Variants in ANKRD6 observed in about 807,000 individuals in gnomAD.
The protein encoded by ANKRD6 is ankyrin repeat domain-containing protein 6.
Under a neutral mutation model 82.3 loss-of-function variants are expected in ANKRD6, and 56 were observed. The observed-to-expected ratio is 0.68, with a 90% CI of 0.55 to 0.85. ANKRD6 has a LOEUF of 0.85. Ranked by LOEUF, ANKRD6 falls within the 40% of genes least tolerant of loss-of-function variation. The probability of loss-of-function intolerance (pLI) is 0.00; values close to 1 mark genes in which losing one functional copy is unlikely to be tolerated. For synonymous variants in ANKRD6, 347 were observed against 352.1 expected (o/e 0.99, Z 0.16); for missense variants, 852 against 907.6 (o/e 0.94, Z 0.79).
chr6:89,573,063 C>A (rs1458086386), intron 2 of ANKRD6, among the ~76,000 whole-genome samples: 1 of 152,056 alleles, frequency 6.6e-6, no homozygotes, highest in Non-Finnish European at 1.5e-5. Flanking sequence ...TGGGCTCAAG[C>A]AATCCTCCTG....
At position 89,623,950 on chromosome 6, in the gene ANKRD6, C is replaced by G; in HGVS notation, c.1111C>G (p.Pro371Ala). 1 of 1,613,864 alleles carries G rather than the reference C, an allele frequency of 6.2e-7. No individual in the cohort carries two copies. Residue 371 changes from proline to alanine, a missense_variant, in exon 12 of 16, where the codon CCT (proline) becomes GCT (alanine). Coordinates refer to ENST00000339746, the MANE Select transcript of ANKRD6 (RefSeq NM_001242809.2). ...HQKNLHAHNHPKKRNRHRCSS... is the reference protein window; with the variant it reads ...HQKNLHAHNHAKKRNRHRCSS... ...GAAGAACCTGCATGCTCATAATCAC[C>G]CTAAAAAGAGGAACAGGCATCGGTG...
Position 89,567,095 on chromosome 6 carries a change from A to C in ANKRD6, c.119A>C (p.Lys40Thr). Residue 40 changes from lysine to threonine, a missense_variant and splice_region_variant, in exon 2 of 16, where the codon AAG becomes ACG. Physicochemically the swap from Lys to Thr is moderately conservative, Grantham distance 78. Transcript: ENST00000339746. The part of the protein sequence containing the change: ...INKGARVAVT[K>T]HGRTPLHLAA... ...AAGGGCGCCAGGGTAGCGGTTACCAAGGTAACAAGAGAAAAATACGCTGTA... is the reference window on the plus strand; with the variant it reads ...AAGGGCGCCAGGGTAGCGGTTACCACGGTAACAAGAGAAAAATACGCTGTA... 1 of 1,588,342 alleles carries C rather than the reference A, an allele frequency of 6.3e-7. No individual in the cohort carries two copies.
chr6:89,624,799 G>A (rs1403941327), intron 13 of ANKRD6, 108 bp downstream of exon 13: 4 of 1,269,668 alleles, frequency 3.2e-6, no homozygotes, highest in Non-Finnish European at 4.2e-6. Context: ...GTGTCCAGTG[G>A]GCTGTCAGGG....
At chr6:89,545,767 A>G (rs992966176) in intron 1 of ANKRD6, among the ~76,000 whole-genome samples, 8 of 152,214 alleles carry the variant, frequency 5.3e-5, no homozygotes, top group African/African-American at 1.9e-4. Context: ...TTTACTGACC[A>G]TTATTAAAAG....
chr6:89,451,748 G>T (rs1772849728), intron 1 of ANKRD6, among the ~76,000 whole-genome samples: 2 of 152,166 alleles, frequency 1.3e-5, no homozygotes, highest in Admixed American at 6.5e-5. Context: ...TGTTAAAAGT[G>T]ACCATGTTTT....
intron 2 of ANKRD6, among the ~76,000 whole-genome samples, chr6:89,585,702 G>A (rs148080139): frequency 0.016 from 2,455 of 152,186 alleles, 76 homozygotes; most frequent in African/African-American, 0.055. Context: ...TGAGGCCAGG[G>A]GTTTGAGACC....
chr6:89,473,369 C>T (rs1225255380), intron 1 of ANKRD6, among the ~76,000 whole-genome samples: 1 of 150,350 alleles, frequency 6.7e-6, no homozygotes, highest in Admixed American at 6.6e-5. Flanking sequence ...CACCATTGCA[C>T]TCCAGCCTGG....
chr6:89,630,049 C>T (rs544537112), intron 15 of ANKRD6, among the ~76,000 whole-genome samples: 2 of 152,310 alleles, frequency 1.3e-5, no homozygotes, highest in African/African-American at 4.8e-5. Flanking sequence ...TACATATTCT[C>T]ATAGATAAAT....
At chr6:89,618,391 G>A (rs1802151708) in intron 9 of ANKRD6, 3 of 582,532 alleles carry the variant, frequency 5.1e-6, no homozygotes, top group Non-Finnish European at 9.1e-6. Context: ...CTGAAGAAGT[G>A]GGACAGGGAC....
At chr6:89,509,761 C>G (rs1582997832) in intron 1 of ANKRD6, among the ~76,000 whole-genome samples, 1 of 152,256 alleles carries the variant, frequency 6.6e-6, no homozygotes, top group East Asian at 1.9e-4. Flanking sequence ...CATTACTTTC[C>G]CCACTTTATG....
chr6:89,583,065 A>T (rs1416506113), intron 2 of ANKRD6, among the ~76,000 whole-genome samples: 6 of 152,148 alleles, frequency 3.9e-5, no homozygotes, highest in Admixed American at 2.6e-4. Context: ...CCATACCTAG[A>T]TGCTGTGGTT....
Position 89,604,124 on chromosome 6 carries a change from C to T in ANKRD6, c.318+997C>T, listed in dbSNP as rs190810307. Among the ~76,000 whole-genome samples the T allele has an allele frequency of 3.4e-3, 511 of 152,292 alleles. 11 individuals carry two copies. The highest frequency in any genetic ancestry group is 9.7e-4 in the Non-Finnish European group (66 of 68,028). On this transcript the variant is annotated intron_variant, in intron 4 of 15. Transcript: ENST00000339746. The stretch of plus-strand genomic sequence containing the variant: ...GGCAGATCACCTGAGGTCAGGAGTT[C>T]GAGACCAGCCTGGCTAACATGGTGA...
chr6:89,459,579 A>G (rs1773883223), intron 1 of ANKRD6, among the ~76,000 whole-genome samples: 1 of 137,560 alleles, frequency 7.3e-6, no homozygotes, highest in African/African-American at 2.7e-5. Flanking sequence ...AGCTCACTGC[A>G]GCCTTTAACT....
At chr6:89,597,435 G>A (rs1431615617) in intron 3 of ANKRD6, among the ~76,000 whole-genome samples, 5 of 152,166 alleles carry the variant, frequency 3.3e-5, no homozygotes, top group African/African-American at 7.2e-5. Context: ...TCTTCTCTTC[G>A]CATAATTAAA....
intron 1 of ANKRD6, among the ~76,000 whole-genome samples, chr6:89,550,638 C>A (rs1468613558): frequency 3.9e-5 from 6 of 152,230 alleles, no homozygotes; most frequent in Admixed American, 3.9e-4. Flanking sequence ...TAAGTGTACA[C>A]TTTTCTATAT....
intron 4 of ANKRD6, among the ~76,000 whole-genome samples, chr6:89,605,248 G>A (rs544495320): frequency 2.2e-4 from 33 of 152,238 alleles, no homozygotes; most frequent in African/African-American, 7.5e-4. Flanking sequence ...AAGGCATAGT[G>A]GTGCATGTCT....
chr6:89,480,112 G>A (rs1776612019), intron 1 of ANKRD6, among the ~76,000 whole-genome samples: 1 of 152,160 alleles, frequency 6.6e-6, no homozygotes, highest in Admixed American at 6.5e-5. Flanking sequence ...CAATTTCTGT[G>A]CTGGTTTCTC....
chr6:89,579,461 C>T (rs1791957858), intron 2 of ANKRD6, among the ~76,000 whole-genome samples: 2 of 152,268 alleles, frequency 1.3e-5, no homozygotes, highest in East Asian at 3.9e-4. Context: ...ATCTCAGCCT[C>T]ATGAGATCGC....
At chr6:89,561,736 G>A (rs1256072323) in intron 1 of ANKRD6, among the ~76,000 whole-genome samples, 1 of 152,172 alleles carries the variant, frequency 6.6e-6, no homozygotes, top group East Asian at 1.9e-4. Flanking sequence ...AGTAGTGATT[G>A]CTTTTGGATA....
Sources: allele counts gnomAD v4.1 joint callset (sites outside exome capture counted in the v4.1 genomes callset), GRCh38; gene constraint gnomAD v4.1.1; transcripts MANE v1.5; gene names NCBI Gene and HGNC (gene_info 2026-07-23, HGNC 2026-07-21).